NKAIN3: variants seen among roughly 807,000 people sequenced by gnomAD.
NKAIN3 encodes sodium/potassium transporting ATPase interacting 3.
In NKAIN3, 25 loss-of-function variants were observed where a neutral mutation model predicts 30.2. The observed-to-expected ratio is 0.83, with a 90% CI of 0.60 to 1.16. The LOEUF (loss-of-function observed/expected upper bound fraction) is 1.16, where lower values mean the gene tolerates loss of function less well. Among genes scored for constraint, NKAIN3 ranks in the 50% most tolerant of loss-of-function variants. The pLI, the probability that NKAIN3 is intolerant of heterozygous loss-of-function variation, is 0.00. For synonymous variants in NKAIN3, 91 were observed against 89.6 expected, an observed-to-expected ratio of 1.02 and a Z score of -0.09; for missense variants, 225 against 254.1, an observed-to-expected ratio of 0.89 and a Z score of 0.78.
intron 4 of NKAIN3, among the ~76,000 whole-genome samples, chr8:62,879,221 G>C (rs1218483375): frequency 3.9e-5 from 6 of 152,160 alleles, no homozygotes; most frequent in South Asian, 2.1e-4. Context: ...GTGTGAGATG[G>C]TATCTCATTG....
chr8:62,612,118 C>T (rs1367747319), intron 3 of NKAIN3, among the ~76,000 whole-genome samples: 1 of 151,826 alleles, frequency 6.6e-6, no homozygotes, highest in African/African-American at 2.4e-5. Flanking sequence ...AAATATTTTG[C>T]CTATTTTTTG....
intron 3 of NKAIN3, among the ~76,000 whole-genome samples, chr8:62,610,827 C>G (rs575088341): frequency 6.6e-6 from 1 of 152,172 alleles, no homozygotes; most frequent in Non-Finnish European, 1.5e-5. Flanking sequence ...GTTCATTGTT[C>G]TCTTTGAATA....
At chr8:62,988,155 C>T (rs1824242089), downstream of NKAIN3, among the ~76,000 whole-genome samples, 1 of 152,202 alleles carries the variant, frequency 6.6e-6, no homozygotes, top group Non-Finnish European at 1.5e-5. Flanking sequence ...AGCTCCACTT[C>T]TGTGGCTTTG....
intron 3 of NKAIN3, among the ~76,000 whole-genome samples, chr8:62,672,809 T>C (rs1813348284): frequency 6.6e-6 from 1 of 152,248 alleles, no homozygotes; most frequent in African/African-American, 2.4e-5. Flanking sequence ...ATTCATAGTA[T>C]GTGTCCATTT....
intron 4 of NKAIN3, among the ~76,000 whole-genome samples, chr8:62,914,861 T>A (rs1157121858): frequency 1.3e-5 from 2 of 151,038 alleles, no homozygotes; most frequent in Non-Finnish European, 2.9e-5. Flanking sequence ...TAGGTATGCA[T>A]GTGCCATGGT....
chr8:62,484,076 T>G (rs1225588860), intron 1 of NKAIN3, among the ~76,000 whole-genome samples: 1 of 152,180 alleles, frequency 6.6e-6, no homozygotes, highest in Non-Finnish European at 1.5e-5. Context: ...GGTGCTGCCC[T>G]CCTGTTTCAA....
At chr8:62,561,439 T>G (rs757717219) in intron 1 of NKAIN3, among the ~76,000 whole-genome samples, 1 of 152,172 alleles carries the variant, frequency 6.6e-6, no homozygotes, top group Non-Finnish European at 1.5e-5. Context: ...GATTTAAAAA[T>G]CCATGAATGA....
At chr8:62,907,332 T>A (rs1821806256) in intron 4 of NKAIN3, among the ~76,000 whole-genome samples, 1 of 152,178 alleles carries the variant, frequency 6.6e-6, no homozygotes, top group African/African-American at 2.4e-5. Context: ...GGAACTTATG[T>A]TTAAAAGGGA....
intron 1 of NKAIN3, among the ~76,000 whole-genome samples, chr8:62,471,666 C>T (rs1394690218): frequency 6.6e-6 from 1 of 152,134 alleles, no homozygotes; most frequent in African/African-American, 2.4e-5. Context: ...TACTTCAGCT[C>T]ACTGGGGGCT....
intron 1 of NKAIN3, among the ~76,000 whole-genome samples, chr8:62,572,100 A>C (rs1165995390): frequency 6.6e-6 from 1 of 152,160 alleles, no homozygotes; most frequent in Non-Finnish European, 1.5e-5. Context: ...CAAATTTTCC[A>C]AACTTCTATG....
At chr8:62,329,169 C>T (rs749673066) in intron 1 of NKAIN3, among the ~76,000 whole-genome samples, 2 of 151,876 alleles carry the variant, frequency 1.3e-5, no homozygotes, top group African/African-American at 2.4e-5. Flanking sequence ...TAATTGCAGC[C>T]TCATCAGTGG....
intron 4 of NKAIN3, among the ~76,000 whole-genome samples, chr8:62,846,409 A>G (rs1819690442): frequency 6.6e-6 from 1 of 152,068 alleles, no homozygotes; most frequent in African/African-American, 2.4e-5. Context: ...GGTTTACTGT[A>G]CAGATTATTC....
At chr8:62,986,561 A>G (rs951263916), downstream of NKAIN3, among the ~76,000 whole-genome samples, 2 of 152,158 alleles carry the variant, frequency 1.3e-5, no homozygotes, top group Non-Finnish European at 2.9e-5. Context: ...AGATGTTCCT[A>G]TAATCTAATC....
Position 62,974,199 on chromosome 8 carries a change from AG to A in NKAIN3, c.*8793del, listed in dbSNP as rs1331984598. On this transcript the variant is annotated 3_prime_UTR_variant, in exon 7 of 7. Coordinates refer to ENST00000623646, the MANE Select transcript of NKAIN3 (RefSeq NM_001304533.3). Reference sequence around the variant, plus strand: ...AAAGTAGTTTTTTCTAATTCTGTGAAGAAAATCAATGTTAGTTTGATGGGAA... The same window carrying A: ...AAAGTAGTTTTTTCTAATTCTGTGAAAAAATCAATGTTAGTTTGATGGGAA... 2.6e-5 allele frequency among the ~76,000 whole-genome samples: 4 copies of A among 152,322 alleles called. No individual in the cohort carries two copies. Among genetic ancestry groups the A allele is most frequent in the African/African-American group, 9.6e-5 (4 of 41,584 alleles).
intron 1 of NKAIN3, among the ~76,000 whole-genome samples, chr8:62,517,531 G>A (rs1229099878): frequency 2.0e-5 from 3 of 152,082 alleles, no homozygotes; most frequent in Admixed American, 6.6e-5. Context: ...GCTTTAGATC[G>A]AAGTGACACA....
chr8:62,538,421 C>T (rs186702164), intron 1 of NKAIN3, among the ~76,000 whole-genome samples: 1 of 152,138 alleles, frequency 6.6e-6, no homozygotes, highest in African/African-American at 2.4e-5. Context: ...GCAATTCCCC[C>T]ACCTCGGCCT....
intron 3 of NKAIN3, among the ~76,000 whole-genome samples, chr8:62,623,246 G>C (rs1342954932): frequency 5.3e-5 from 8 of 152,112 alleles, no homozygotes; most frequent in East Asian, 1.9e-4. Flanking sequence ...GTTTAAGCTG[G>C]AGAGGTCTTT....
chr8:62,791,543 C>A (rs149241743), intron 4 of NKAIN3, among the ~76,000 whole-genome samples: 1 of 152,020 alleles, frequency 6.6e-6, no homozygotes, highest in Non-Finnish European at 1.5e-5. Context: ...TGACTTTGAT[C>A]CTCAAAACTG....
chr8:62,635,035 G>T (rs1373161473), intron 3 of NKAIN3, among the ~76,000 whole-genome samples: 3 of 152,018 alleles, frequency 2.0e-5, no homozygotes, highest in Admixed American at 1.3e-4. Context: ...ATTTACCTGG[G>T]GGGTCGGGGG....
Sources: allele counts gnomAD v4.1 joint callset (sites outside exome capture counted in the v4.1 genomes callset), GRCh38; gene constraint gnomAD v4.1.1; transcripts MANE v1.5; gene names NCBI Gene and HGNC (gene_info 2026-07-23, HGNC 2026-07-21).